Variants in CAMTA1 observed in about 807,000 individuals in gnomAD.
CAMTA1 encodes the protein calmodulin binding transcription activator 1.
In CAMTA1, 27 loss-of-function variants were observed where a neutral mutation model predicts 170.9. The observed-to-expected ratio is 0.16, with a 90% CI of 0.12 to 0.22. The LOEUF (loss-of-function observed/expected upper bound fraction) is 0.22. Ranked by LOEUF, CAMTA1 falls within the 10% of genes least tolerant of loss-of-function variation. The pLI is 1.00. For missense variants in CAMTA1, 1,619 were observed against 2,217.2 expected (o/e 0.73, Z 5.42); for synonymous variants, 833 against 891.5 (o/e 0.93, Z 1.17).
At chr1:7,013,174 T>G (rs1700058569) in intron 3 of CAMTA1, among the ~76,000 whole-genome samples, 2 of 150,122 alleles carry the variant, frequency 1.3e-5, no homozygotes, top group Admixed American at 6.6e-5. Flanking sequence ...TGCAGACCCT[T>G]CTACCATTCT....
At chr1:7,437,542 T>C (rs1189245833) in intron 5 of CAMTA1, among the ~76,000 whole-genome samples, 1 of 152,136 alleles carries the variant, frequency 6.6e-6, no homozygotes, top group Non-Finnish European at 1.5e-5. Flanking sequence ...TCATCTGAAC[T>C]CCTTACATCT....
chr1:7,237,450 A>T (rs1664094365), intron 4 of CAMTA1, among the ~76,000 whole-genome samples: 1 of 152,194 alleles, frequency 6.6e-6, no homozygotes, highest in Non-Finnish European at 1.5e-5. Context: ...ATGATCAGTT[A>T]GTGACAGAGA....
chr1:7,002,407 G>C (rs968805198), intron 3 of CAMTA1, among the ~76,000 whole-genome samples: 1 of 152,138 alleles, frequency 6.6e-6, no homozygotes, highest in East Asian at 1.9e-4. Context: ...GAAGTCTAAG[G>C]CTGCCTATTA....
chr1:7,740,488 AAGTT>A (rs1472635668), intron 16 of CAMTA1, among the ~76,000 whole-genome samples: 8 of 152,234 alleles, frequency 5.3e-5, no homozygotes, highest in African/African-American at 1.9e-4. Context: ...ATCTAGGAAT[AAGTT>A]AGATTACATC....
chr1:7,140,641 C>T (rs1331333010), intron 4 of CAMTA1, among the ~76,000 whole-genome samples: 1 of 151,846 alleles, frequency 6.6e-6, no homozygotes, highest in African/African-American at 2.4e-5. Flanking sequence ...CTGGGTTCTA[C>T]AAAACTGAGT....
intron 7 of CAMTA1, among the ~76,000 whole-genome samples, chr1:7,658,550 C>A (rs373087175): frequency 9.2e-5 from 14 of 152,234 alleles, no homozygotes; most frequent in South Asian, 4.1e-4. Flanking sequence ...CAAATCCTGC[C>A]CTGTGGCCTC....
At chr1:7,519,280 G>A (rs2094328547) in intron 6 of CAMTA1, among the ~76,000 whole-genome samples, 1 of 151,998 alleles carries the variant, frequency 6.6e-6, no homozygotes, top group South Asian at 2.1e-4. Flanking sequence ...CAGGTGGGCA[G>A]GGGCCAGGAG....
Position 7,666,872 on chromosome 1 carries a change from GTTGTTTTGTT to G in CAMTA1, c.2652+1696_2652+1705del, listed in dbSNP as rs199791433. ...CCGTGTTTCTGACCCCCCTGCTGTTGTTGTTTTGTTTTGTTTTGTTTTGTTTTGTTTTTGA... is the reference window on the plus strand; with the variant it reads ...CCGTGTTTCTGACCCCCCTGCTGTTGTTGTTTTGTTTTGTTTTGTTTTTGA... On this transcript the variant is annotated intron_variant, in intron 9 of 22. Transcript: ENST00000303635. 1.8e-3 allele frequency among the ~76,000 whole-genome samples: 275 copies of G among 151,724 alleles called. 1 individual carries two copies. Among genetic ancestry groups the G allele is most frequent in the African/African-American group, 5.8e-3 (241 of 41,342 alleles).
intron 5 of CAMTA1, among the ~76,000 whole-genome samples, chr1:7,376,341 A>G (rs2149034933): frequency 6.6e-6 from 1 of 152,306 alleles, no homozygotes; most frequent in East Asian, 1.9e-4. Flanking sequence ...GGAACTCTGC[A>G]TTGCATTTAG....
chr1:7,670,172 CTG>C (rs1276008980), intron 9 of CAMTA1, among the ~76,000 whole-genome samples: 3 of 152,202 alleles, frequency 2.0e-5, no homozygotes, highest in Non-Finnish European at 4.4e-5. Context: ...CCCAGGCTAG[CTG>C]TGTAGGCAGT....
At chr1:7,382,721 C>T (rs2087474366) in intron 5 of CAMTA1, 1 of 152,126 alleles carries the variant, frequency 6.6e-6, no homozygotes, top group Admixed American at 6.5e-5. Context: ...TTGATGAGCC[C>T]TCCTGCAGGC....
At position 7,014,123 on chromosome 1, in the gene CAMTA1, A is replaced by T. The variant is rs934442559; in HGVS notation, c.235-77181A>T. On this transcript the variant is annotated intron_variant, in intron 3 of 22. Transcript: ENST00000303635. This position sits in a 1 kb window ranked among gnomAD's most constrained non-coding sequence, Gnocchi z 4.2. ...GCCAAGGGGACCGGCTGGCTGGGGC[A>T]GCGCCTGGGCAGGGCTGTGTGCCTC... 6.0e-5 allele frequency: 9 copies of T among 150,992 alleles called. No individual in the cohort carries two copies. Among genetic ancestry groups the T allele is most frequent in the Non-Finnish European group, 1.2e-4 (8 of 68,276 alleles). The allele number at this position is 150,992 out of a possible 1,614,324, so 9.4% of individuals were successfully genotyped here.
intron 7 of CAMTA1, among the ~76,000 whole-genome samples, chr1:7,652,534 C>T (rs969705255): frequency 2.0e-5 from 3 of 152,180 alleles, no homozygotes; most frequent in African/African-American, 7.2e-5. Flanking sequence ...AGGCCTGGCC[C>T]CTCTGAGACA....
rs1322791614 is a variant in CAMTA1 at position 7,146,243 on chromosome 1, A to C, written c.302+54872A>C. ...ACACCCCTCGCAGCAGGAGCTTGGC[A>C]GCCCCTGAACCCGGTGCCTGCTCAT... On this transcript the variant is annotated intron_variant, in intron 4 of 22. Coordinates refer to ENST00000303635, the MANE Select transcript of CAMTA1 (RefSeq NM_015215.4). The surrounding 1 kb of genome is among the most constrained non-coding windows in gnomAD (Gnocchi z 4.3). Among the ~76,000 whole-genome samples, 1 of 152,102 alleles carries C rather than the reference A, an allele frequency of 6.6e-6. No homozygotes were observed. Among genetic ancestry groups the C allele is most frequent in the Admixed American group, 6.5e-5 (1 of 15,282 alleles).
intron 3 of CAMTA1, among the ~76,000 whole-genome samples, chr1:6,900,845 T>C (rs950664701): frequency 6.6e-6 from 1 of 152,232 alleles, no homozygotes; most frequent in African/African-American, 2.4e-5. Context: ...GATGTCTGTT[T>C]TCCCTAAATT....
At chr1:6,932,775 C>T (rs1010445227) in intron 3 of CAMTA1, among the ~76,000 whole-genome samples, 1 of 152,164 alleles carries the variant, frequency 6.6e-6, no homozygotes, top group Non-Finnish European at 1.5e-5. Flanking sequence ...TGCATTTAGC[C>T]ATACCCATGT....
chr1:6,904,873 G>GT (rs1313111982), intron 3 of CAMTA1, among the ~76,000 whole-genome samples: 1 of 151,146 alleles, frequency 6.6e-6, no homozygotes, highest in African/African-American at 2.4e-5. Flanking sequence ...GATTACAGGC[G>GT]TGAGCCGCCA....
At chr1:7,167,871 C>T (rs1034340288) in intron 4 of CAMTA1, among the ~76,000 whole-genome samples, 7 of 152,148 alleles carry the variant, frequency 4.6e-5, no homozygotes, top group African/African-American at 1.7e-4. Context: ...ACCTCAGCCT[C>T]CCGAGTAGCT....
At chr1:7,691,031 C>T (rs932696297) in intron 11 of CAMTA1, among the ~76,000 whole-genome samples, 3 of 152,228 alleles carry the variant, frequency 2.0e-5, no homozygotes, top group South Asian at 2.1e-4. Flanking sequence ...CTGCAGTCAA[C>T]GAGCTTCCCG....
Sources: gnomAD v4.1 joint callset for allele counts (sites outside exome capture counted in the v4.1 genomes callset) on GRCh38, gnomAD v4.1.1 for gene constraint, Gnocchi (gnomAD v3.1) non-coding constraint, MANE v1.5 for transcripts, NCBI Gene and HGNC (gene_info 2026-07-23, HGNC 2026-07-21) for gene names.